DEFB119: variants seen among roughly 807,000 people sequenced by gnomAD.
DEFB119 encodes the protein beta-defensin 119.
In DEFB119, 3 loss-of-function variants were observed where a neutral mutation model predicts 2.5. The ratio of observed to expected loss-of-function variants is 1.19; its 90% CI spans 0.54 to 3.07. The LOEUF (loss-of-function observed/expected upper bound fraction) is 3.07, where lower values mean the gene tolerates loss of function less well. Ranked by LOEUF, DEFB119 falls within the 30% of genes most tolerant of loss-of-function variation. The pLI, the probability that DEFB119 is intolerant of heterozygous loss-of-function variation, is 0.03. For synonymous variants in DEFB119, 29 were observed against 33.7 expected (o/e 0.86, Z 0.48); for missense variants, 113 against 101.1 (o/e 1.12, Z -0.50).
At chr20:31,388,158 T>C in intron 1 of DEFB119, 1 of 985,030 alleles carries the variant, frequency 1.0e-6, no homozygotes, top group Non-Finnish European at 1.2e-6. Flanking sequence ...GATTCTTAAA[T>C]GTTCCCCATG....
At position 31,390,426 on chromosome 20, in the gene DEFB119, A is replaced by G. The variant is rs748251419; in HGVS notation, c.58T>C (p.Ser20Pro). 5.0e-6 allele frequency: 8 copies of G among 1,612,664 alleles called. No individual in the cohort carries two copies. Among genetic ancestry groups the G allele is most frequent in the Admixed American group, 1.7e-5 (1 of 59,754 alleles). Residue 20 changes from serine to proline, a missense_variant, in exon 1 of 2, where the codon TCA becomes CCA. Transcript: ENST00000376321. Reference protein sequence around the residue: ...ILLAIEEPVISGKRHILRCMG... With the variant: ...ILLAIEEPVIPGKRHILRCMG... ...CCCCGAGAGAGGTTCACGTTACCTG[A>G]TATCACTGGTTCTTCTATGGCCAGA...
rs1442344452 is a variant in DEFB119, at chr20:31,377,309, G to A, written c.192C>T (p.Ser64=). ...SCCLQSYMRI[S]ISGKEENTDW... ...CGGTATTTTCCTCTTTGCCAGAAATGCTTATCCTCATGTAGGACTGGAGGC... is the reference window on the plus strand; with the variant it reads ...CGGTATTTTCCTCTTTGCCAGAAATACTTATCCTCATGTAGGACTGGAGGC... Residue 64 remains serine (S), a synonymous_variant, in exon 2 of 2, where the codon AGC becomes AGT. Transcript: ENST00000376321. The A allele has an allele frequency of 6.2e-7, 1 of 1,613,920 alleles. No homozygotes were observed. The highest frequency in any genetic ancestry group is 8.5e-7 in the Non-Finnish European group (1 of 1,179,972).
At chr20:31,385,655 C>T (rs1344110965) in intron 1 of DEFB119, among the ~76,000 whole-genome samples, 1 of 151,986 alleles carries the variant, frequency 6.6e-6, no homozygotes, top group African/African-American at 2.4e-5. Context: ...TCACTGGAGC[C>T]CAGGAGTTTG....
rs139255943 is a variant in DEFB119 at position 31,382,659 on chromosome 20, T to G, written c.62-5220A>C. Among the ~76,000 whole-genome samples the G allele has an allele frequency of 1.1e-3, 172 of 152,282 alleles. 2 individuals are homozygous for G. The highest frequency in any genetic ancestry group is 5.0e-4 in the Non-Finnish European group (34 of 68,022). ...AGCCCAGAAGTTTCTCCACCCAGAT[T>G]CCTGGAACCTGGAGTCAGCCTTTTG... On this transcript the variant is annotated intron_variant, in intron 1 of 1. Transcript: ENST00000376321.
rs774804490 is a variant in DEFB119 at position 31,390,405 on chromosome 20, G to A, written c.61+18C>T. ...CCCATGACCAGGAACCCAGACCCCC[G>A]AGAGAGGTTCACGTTACCTGATATC... On this transcript the variant is annotated intron_variant, in intron 1 of 1. Transcript: ENST00000376321. 20 of 1,610,454 alleles carry A rather than the reference G, an allele frequency of 1.2e-5. No individual in the cohort carries two copies. The highest frequency in any genetic ancestry group is 6.7e-5 in the Admixed American group (4 of 59,630).
intron 1 of DEFB119, among the ~76,000 whole-genome samples, chr20:31,379,586 C>G (rs1986433201): frequency 6.6e-6 from 1 of 151,926 alleles, no homozygotes; most frequent in Admixed American, 6.6e-5. Flanking sequence ...CTCTGCCTCC[C>G]AGGTTCAAGC....
Position 31,377,329 on chromosome 20 carries a change from G to T in DEFB119, c.172C>A (p.Gln58Lys). 1 of 1,614,146 alleles carries T rather than the reference G, an allele frequency of 6.2e-7. No individual in the cohort carries two copies. Among genetic ancestry groups the T allele is most frequent in the Non-Finnish European group, 8.5e-7 (1 of 1,180,018 alleles). Reference sequence around the variant, plus strand: ...GAAATGCTTATCCTCATGTAGGACTGGAGGCAGCAGGACTGACAATTTCTG... The same window carrying T: ...GAAATGCTTATCCTCATGTAGGACTTGAGGCAGCAGGACTGACAATTTCTG... ...YCRNCQSCCL[Q>K]SYMRISISGK... The change falls in exon 2 of 2, where the codon CAG becomes AAG. Residue 58 changes from glutamine (Q) to lysine (K), a missense_variant. Physicochemically the swap from Gln to Lys is moderately conservative, Grantham distance 53. Transcript: ENST00000376321.
At chr20:31,386,720 A>G (rs1002232272) in intron 1 of DEFB119, among the ~76,000 whole-genome samples, 1 of 152,058 alleles carries the variant, frequency 6.6e-6, no homozygotes, top group Non-Finnish European at 1.5e-5. Context: ...ACAGCTAGAT[A>G]GGAGGAATAA....
At chr20:31,382,653 C>T (rs1986541402) in intron 1 of DEFB119, among the ~76,000 whole-genome samples, 2 of 152,210 alleles carry the variant, frequency 1.3e-5, no homozygotes, top group Admixed American at 6.5e-5. Flanking sequence ...GTTTCTCCAC[C>T]CAGATTCCTG....
intron 1 of DEFB119, chr20:31,388,886 C>T: frequency 6.8e-7 from 1 of 1,462,160 alleles, no homozygotes; most frequent in Middle Eastern, 2.5e-4. Context: ...CTTCTCTCGA[C>T]TAGCTCTTCA....
At chr20:31,382,276 C>T (rs187862848) in intron 1 of DEFB119, among the ~76,000 whole-genome samples, 1 of 152,098 alleles carries the variant, frequency 6.6e-6, no homozygotes, top group Admixed American at 6.5e-5. Context: ...ACCTAAGGGG[C>T]TATAGAGAGA....
chr20:31,379,510 T>G (rs1009468388), intron 1 of DEFB119, among the ~76,000 whole-genome samples: 10 of 152,052 alleles, frequency 6.6e-5, no homozygotes, highest in South Asian at 2.1e-4. Context: ...TCTTTTTTTT[T>G]TGTGGAAGAA....
chr20:31,377,385 C>T lies in DEFB119; in HGVS notation c.116G>A (p.Cys39Tyr), dbSNP rs1986338479. 1 of 1,613,776 alleles carries T rather than the reference C, an allele frequency of 6.2e-7. No individual in the cohort carries two copies. Among genetic ancestry groups the T allele is most frequent in the African/African-American group, 1.3e-5 (1 of 74,868 alleles). Residue 39 changes from cysteine to tyrosine, a missense_variant, in exon 2 of 2, where the codon TGC becomes TAC. Cys to Tyr is a radical substitution (Grantham distance 194). Transcript: ENST00000376321. Reference sequence around the variant, plus strand: ...GAGGTAGGGCTGTTCGTTCTTTTTGCAAGAGGCCCTACAAATTCCACTGTT... The same window carrying T: ...GAGGTAGGGCTGTTCGTTCTTTTTGTAAGAGGCCCTACAAATTCCACTGTT... The part of the protein sequence containing the change: ...MGNSGICRAS[C>Y]KKNEQPYLYC...
intron 1 of DEFB119, among the ~76,000 whole-genome samples, chr20:31,379,652 C>G (rs552417132): frequency 1.5e-3 from 190 of 130,630 alleles, no homozygotes; most frequent in African/African-American, 5.4e-3. Flanking sequence ...TGCCACCACA[C>G]CCAACTAATT....
At chr20:31,387,945 AGTCT>A (rs1986774500) in intron 1 of DEFB119, 2 of 646,116 alleles carry the variant, frequency 3.1e-6, no homozygotes, top group African/African-American at 4.0e-5. Context: ...GAGAGCAAAT[AGTCT>A]TCCTGGATGA....
At chr20:31,379,922 C>G (rs1392594892) in intron 1 of DEFB119, among the ~76,000 whole-genome samples, 1 of 152,174 alleles carries the variant, frequency 6.6e-6, no homozygotes, top group African/African-American at 2.4e-5. Flanking sequence ...ACCTCAGCCT[C>G]CCAAAGTGGT....
intron 1 of DEFB119, among the ~76,000 whole-genome samples, chr20:31,385,732 T>A (rs1255085491): frequency 6.6e-6 from 1 of 151,936 alleles, no homozygotes; most frequent in Non-Finnish European, 1.5e-5. Context: ...TAGCCAGGCA[T>A]GGTAGCGCAC....
At chr20:31,378,342 T>C (rs1986377936) in intron 1 of DEFB119, 1 of 1,614,146 alleles carries the variant, frequency 6.2e-7, no homozygotes, top group Non-Finnish European at 8.5e-7. Context: ...ACACCTGGAC[T>C]TCCACCCACC....
At chr20:31,379,344 G>A (rs1285684609) in intron 1 of DEFB119, among the ~76,000 whole-genome samples, 1 of 152,166 alleles carries the variant, frequency 6.6e-6, no homozygotes, top group Admixed American at 6.5e-5. Flanking sequence ...TAAGTATGTA[G>A]TAGTATCTCA....
Sources: gnomAD v4.1 joint callset for allele counts (sites outside exome capture counted in the v4.1 genomes callset) on GRCh38, gnomAD v4.1.1 for gene constraint, MANE v1.5 for transcripts, NCBI Gene and HGNC (gene_info 2026-07-23, HGNC 2026-07-21) for gene names.